LDLRAD4: variants seen among roughly 807,000 people sequenced by gnomAD.
LDLRAD4 encodes the protein low-density lipoprotein receptor class A domain-containing protein 4.
Under a neutral mutation model 17.0 loss-of-function variants are expected in LDLRAD4, and 5 were observed. The observed-to-expected ratio is 0.29, with a 90% CI of 0.15 to 0.62. LDLRAD4 has a LOEUF of 0.62. Among genes scored for constraint, LDLRAD4 ranks in the 20% least tolerant of loss-of-function variants. The probability of loss-of-function intolerance (pLI) is 0.84; values close to 1 mark genes in which losing one functional copy is unlikely to be tolerated. For missense variants in LDLRAD4, 340 were observed against 424.7 expected, an observed-to-expected ratio of 0.80 and a Z score of 1.75; for synonymous variants, 168 against 171.8, an observed-to-expected ratio of 0.98 and a Z score of 0.17.
rs1286477170 is a variant in LDLRAD4, at chr18:13,367,940, T to C, written c.-382-19401T>C. Among the ~76,000 whole-genome samples the C allele has an allele frequency of 6.6e-6, 1 of 151,960 alleles. No individual in the cohort carries two copies. The highest frequency in any genetic ancestry group is 1.5e-5 in the Non-Finnish European group (1 of 67,990). ...AGGAGGCTGAGGCAGGAGTTTTGCT[T>C]GAGCCTGAGAAGTCGAGGCTGCAGT... On this transcript the variant is annotated intron_variant, in intron 1 of 5. Transcript: ENST00000359446. This position sits in a 1 kb window ranked among gnomAD's most constrained non-coding sequence, Gnocchi z 4.1.
intron 1 of LDLRAD4, among the ~76,000 whole-genome samples, chr18:13,319,675 C>T (rs1177800918): frequency 6.6e-6 from 1 of 152,124 alleles, no homozygotes; most frequent in East Asian, 1.9e-4. Flanking sequence ...TTTAAATAAA[C>T]TTATTTTCAG....
chr18:13,640,553 C>G (rs115012713), intron 4 of LDLRAD4, among the ~76,000 whole-genome samples: 1,721 of 152,266 alleles, frequency 0.011, 22 homozygotes, highest in Middle Eastern at 0.038. Flanking sequence ...GGCAGAACAC[C>G]TTTTTCCACC....
intron 3 of LDLRAD4, among the ~76,000 whole-genome samples, chr18:13,451,807 A>G (rs1046261036): frequency 2.6e-5 from 4 of 152,204 alleles, no homozygotes; most frequent in African/African-American, 7.2e-5. Context: ...ATGAATCCCA[A>G]TCCTGAGGGC....
At position 13,491,046 on chromosome 18, in the gene LDLRAD4, G is replaced by C. The variant is rs1600779733; in HGVS notation, c.181+52662G>C. On this transcript the variant is annotated intron_variant, in intron 3 of 5. Transcript: ENST00000359446. ...CACAGTGGGTGGCCAAGTCGTCTCT[G>C]CTCCTCTTCATGGTAGTGGGGGCTG... 3.3e-5 allele frequency among the ~76,000 whole-genome samples: 5 copies of C among 152,282 alleles called. 1 individual carries two copies. The highest frequency in any genetic ancestry group is 3.3e-4 in the Admixed American group (5 of 15,298).
At chr18:13,486,500 C>T (rs969907991) in intron 3 of LDLRAD4, 2 of 152,302 alleles carry the variant, frequency 1.3e-5, no homozygotes, top group Admixed American at 6.5e-5. Context: ...CCACCAGGGC[C>T]TGCTCCACCA....
At chr18:13,287,980 A>G (rs998708822) in intron 1 of LDLRAD4, among the ~76,000 whole-genome samples, 1 of 152,250 alleles carries the variant, frequency 6.6e-6, no homozygotes, top group African/African-American at 2.4e-5. Flanking sequence ...AAAATCTCAT[A>G]TAAACGTAGA....
At chr18:13,405,988 A>G (rs1019296454) in intron 2 of LDLRAD4, among the ~76,000 whole-genome samples, 7 of 152,208 alleles carry the variant, frequency 4.6e-5, no homozygotes, top group African/African-American at 1.4e-4. Context: ...TAAAGGTTCC[A>G]CGGTGATTCT....
chr18:13,595,924 C>T (rs191964805), intron 3 of LDLRAD4, among the ~76,000 whole-genome samples: 49 of 152,236 alleles, frequency 3.2e-4, no homozygotes, highest in African/African-American at 1.0e-3. Context: ...ATTTCCTTGT[C>T]GATCCTCTGC....
rs113028475 is a variant in LDLRAD4 at position 13,622,266 on chromosome 18, C to CT, written c.336+996dup. Among the ~76,000 whole-genome samples the CT allele has an allele frequency of 4.4e-3, 663 of 152,288 alleles. 5 individuals carry two copies. Among genetic ancestry groups the CT allele is most frequent in the South Asian group, 0.034 (163 of 4,826 alleles). ...CTCAGGAGTGCAGGCTCACACTTCA[C>CT]TAGGATCATTGGTGCAGCCATCCAT... is the stretch of plus-strand genomic sequence containing the variant. On this transcript the variant is annotated intron_variant, in intron 4 of 5. Coordinates refer to ENST00000359446, the Ensembl canonical transcript of LDLRAD4. This position sits in a 1 kb window ranked among gnomAD's most constrained non-coding sequence, Gnocchi z 5.3.
At chr18:13,643,848 T>C (rs975655857) in intron 5 of LDLRAD4, among the ~76,000 whole-genome samples, 5 of 151,886 alleles carry the variant, frequency 3.3e-5, no homozygotes, top group Non-Finnish European at 5.9e-5. Flanking sequence ...GATATGTGTG[T>C]ATATTAAATG....
At chr18:13,219,169 G>A (rs2041308836) in intron 1 of LDLRAD4, among the ~76,000 whole-genome samples, 181 bp downstream of exon 1, 1 of 151,940 alleles carries the variant, frequency 6.6e-6, no homozygotes, top group Non-Finnish European at 1.5e-5. Flanking sequence ...GGCACTGGGG[G>A]AAGGCGCATC....
intron 4 of LDLRAD4, chr18:13,642,691 C>A: frequency 8.1e-7 from 1 of 1,231,608 alleles, no homozygotes; most frequent in Non-Finnish European, 1.0e-6. Context: ...CTCAACCCAG[C>A]CTGCCCTCAT....
intron 4 of LDLRAD4, among the ~76,000 whole-genome samples, chr18:13,637,629 G>T (rs900087942): frequency 5.9e-5 from 9 of 152,238 alleles, no homozygotes; most frequent in Middle Eastern, 6.8e-3. Flanking sequence ...ACTTTGGGAG[G>T]CCGAGGCGGG....
rs1266074312 is a variant in LDLRAD4 at position 13,621,999 on chromosome 18, G to A, written c.336+728G>A. Among the ~76,000 whole-genome samples the A allele has an allele frequency of 6.6e-6, 1 of 152,226 alleles. No individual in the cohort carries two copies. The highest frequency in any genetic ancestry group is 1.5e-5 in the Non-Finnish European group (1 of 68,040). On this transcript the variant is annotated intron_variant, in intron 4 of 5. Transcript: ENST00000359446. The surrounding 1 kb of genome is among the most constrained non-coding windows in gnomAD (Gnocchi z 5.5). ...TTGATGGCTTCCAGCCAGAGGGTTA[G>A]GAGCGGTGAGTTCAGCGAGCGTATA... is the stretch of plus-strand genomic sequence containing the variant.
intron 1 of LDLRAD4, chr18:13,279,545 T>G (rs548638646): frequency 6.6e-6 from 1 of 152,380 alleles, no homozygotes; most frequent in Admixed American, 6.5e-5. Context: ...CCCCGAAGAC[T>G]GAAACTTGAG....
At chr18:13,469,696 A>G (rs1211546941) in intron 3 of LDLRAD4, among the ~76,000 whole-genome samples, 2 of 152,206 alleles carry the variant, frequency 1.3e-5, no homozygotes, top group African/African-American at 4.8e-5. Flanking sequence ...CAGGAAGTGG[A>G]TTAGAGGTTA....
At chr18:13,233,452 A>G (rs1461189356) in intron 1 of LDLRAD4, among the ~76,000 whole-genome samples, 2 of 152,156 alleles carry the variant, frequency 1.3e-5, no homozygotes, top group African/African-American at 4.8e-5. Context: ...CTTATTGGAA[A>G]TATTCTCCAT....
chr18:13,411,246 T>A (rs1213715784), intron 2 of LDLRAD4, among the ~76,000 whole-genome samples: 20 of 146,826 alleles, frequency 1.4e-4, no homozygotes, highest in African/African-American at 4.9e-4. Context: ...AACCAGACCC[T>A]GTCTCAAAAA....
intron 1 of LDLRAD4, among the ~76,000 whole-genome samples, chr18:13,318,450 C>T (rs536351878): frequency 4.6e-5 from 7 of 152,148 alleles, no homozygotes; most frequent in Admixed American, 2.0e-4. Context: ...TTAGTAGAGA[C>T]GGGGTTTTAC....
Sources: gnomAD v4.1 joint callset for allele counts (sites outside exome capture counted in the v4.1 genomes callset) on GRCh38, gnomAD v4.1.1 for gene constraint, Gnocchi (gnomAD v3.1) non-coding constraint, MANE v1.5 for transcripts, NCBI Gene and HGNC (gene_info 2026-07-23, HGNC 2026-07-21) for gene names.